Variants in FRMD4B observed in about 807,000 individuals in gnomAD.
The protein encoded by FRMD4B is FERM domain-containing protein 4B.
A neutral mutation model predicts 141.5 loss-of-function variants in FRMD4B; 74 were observed. The observed-to-expected ratio is 0.52, with a 90% CI of 0.43 to 0.63. FRMD4B has a LOEUF of 0.63. Among genes scored for constraint, FRMD4B ranks in the 30% least tolerant of loss-of-function variants. The pLI is 0.00. For missense variants in FRMD4B, 1,366 were observed against 1,253.4 expected (o/e 1.09, Z -1.36); for synonymous variants, 506 against 467.9 (o/e 1.08, Z -1.05).
chr3:69,504,574 G>C (rs1706564056), intron 1 of FRMD4B, among the ~76,000 whole-genome samples: 1 of 152,144 alleles, frequency 6.6e-6, no homozygotes, highest in Admixed American at 6.6e-5. Flanking sequence ...AAAATATGTG[G>C]TCTTTTGTGT....
intron 7 of FRMD4B, among the ~76,000 whole-genome samples, chr3:69,233,401 C>T (rs1048949892): frequency 6.6e-6 from 1 of 151,250 alleles, no homozygotes; most frequent in African/African-American, 2.4e-5. Flanking sequence ...GGAGAATCAC[C>T]TGAGGCCGGG....
At chr3:69,355,898 A>T (rs944171443) in intron 1 of FRMD4B, among the ~76,000 whole-genome samples, 6 of 152,046 alleles carry the variant, frequency 3.9e-5, no homozygotes, top group Non-Finnish European at 7.4e-5. Flanking sequence ...GGTGGCCGGC[A>T]CCTGTATTCC....
chr3:69,542,032 C>T (rs781391341), intron 1 of FRMD4B, among the ~76,000 whole-genome samples: 3 of 152,162 alleles, frequency 2.0e-5, no homozygotes, highest in Non-Finnish European at 2.9e-5. Flanking sequence ...TGCACTAGAC[C>T]TCGAGCCCCA....
intron 17 of FRMD4B, among the ~76,000 whole-genome samples, 179 bp downstream of exon 17, chr3:69,193,469 T>A (rs1474609844): frequency 6.6e-6 from 1 of 152,140 alleles, no homozygotes; most frequent in African/African-American, 2.4e-5. Context: ...GATTGCCCCA[T>A]TGCACTCCAG....
At chr3:69,286,953 C>A (rs1700708522) in intron 5 of FRMD4B, among the ~76,000 whole-genome samples, 1 of 152,102 alleles carries the variant, frequency 6.6e-6, no homozygotes, top group South Asian at 2.1e-4. Context: ...TACAGGGGCA[C>A]ACCACCACGC....
chr3:69,514,950 C>G (rs1700728104), intron 1 of FRMD4B, among the ~76,000 whole-genome samples: 1 of 152,086 alleles, frequency 6.6e-6, no homozygotes, highest in Admixed American at 6.6e-5. Context: ...CTCATACTTC[C>G]TGATTTAAAA....
chr3:69,463,574 C>G (rs1213203564), intron 1 of FRMD4B, among the ~76,000 whole-genome samples: 3 of 152,110 alleles, frequency 2.0e-5, no homozygotes, highest in Non-Finnish European at 4.4e-5. Flanking sequence ...TTATCTTTGG[C>G]TTATAGATTA....
intron 1 of FRMD4B, chr3:69,472,084 C>T (rs1248122186): frequency 3.5e-5 from 6 of 171,912 alleles, no homozygotes; most frequent in South Asian, 1.5e-4. Flanking sequence ...CATGGAAAGT[C>T]TTCCACTAGC....
At position 69,399,464 on chromosome 3, in the gene FRMD4B, T is replaced by G. The variant is rs994806491; in HGVS notation, c.-1+33170A>C. On this transcript the variant is annotated intron_variant, in intron 2 of 5. Transcript: ENST00000459638. ...TTCTATCTGCGGTGAAGTCTCAACT[T>G]GTTCAGAGAAAATGATGGTTAAATT... Among the ~76,000 whole-genome samples the G allele has an allele frequency of 5.3e-5, 8 of 152,320 alleles. No individual in the cohort carries two copies. In the South Asian group the frequency reaches 1.7e-3, roughly 32 times the overall value.
At chr3:69,430,361 G>C (rs192501858) in intron 2 of FRMD4B, among the ~76,000 whole-genome samples, 135 of 152,266 alleles carry the variant, frequency 8.9e-4, no homozygotes, top group Middle Eastern at 3.4e-3. Flanking sequence ...TATTTAGGCT[G>C]ATCCTTATTT....
chr3:69,298,675 A>G (rs189657968), intron 4 of FRMD4B, among the ~76,000 whole-genome samples: 1 of 152,248 alleles, frequency 6.6e-6, no homozygotes, highest in East Asian at 1.9e-4. Flanking sequence ...CCTGGAAGAA[A>G]CTTCCTCAGA....
At chr3:69,411,756 A>C (rs1438898036) in intron 2 of FRMD4B, among the ~76,000 whole-genome samples, 1 of 152,200 alleles carries the variant, frequency 6.6e-6, no homozygotes, top group Non-Finnish European at 1.5e-5. Context: ...TCACATTGGG[A>C]TTCCAGTTAA....
intron 5 of FRMD4B, among the ~76,000 whole-genome samples, chr3:69,261,183 A>G (rs1221434523): frequency 6.6e-6 from 1 of 152,190 alleles, no homozygotes; most frequent in African/African-American, 2.4e-5. Flanking sequence ...GAGCTGTAAC[A>G]CTGCTGGCGA....
At chr3:69,255,943 A>C (rs2093489669) in intron 5 of FRMD4B, among the ~76,000 whole-genome samples, 1 of 152,116 alleles carries the variant, frequency 6.6e-6, no homozygotes, top group Non-Finnish European at 1.5e-5. Context: ...GACAAGAATG[A>C]TACTCAAGCA....
At chr3:69,184,735 G>A (rs1182906690) in intron 19 of FRMD4B, among the ~76,000 whole-genome samples, 4 of 152,170 alleles carry the variant, frequency 2.6e-5, no homozygotes, top group Admixed American at 2.0e-4. Flanking sequence ...CTTGTCTCAT[G>A]TTATCCAATA....
At chr3:69,539,488 T>C (rs181648683) in intron 1 of FRMD4B, among the ~76,000 whole-genome samples, 1 of 152,210 alleles carries the variant, frequency 6.6e-6, no homozygotes, top group Non-Finnish European at 1.5e-5. Flanking sequence ...GCCACTAAGA[T>C]AGAAATTTAT....
intron 1 of FRMD4B, among the ~76,000 whole-genome samples, chr3:69,520,953 C>G (rs1349427560): frequency 6.6e-6 from 1 of 152,198 alleles, no homozygotes; most frequent in East Asian, 1.9e-4. Context: ...TTTCACTTTG[C>G]TCTAGATATT....
intron 1 of FRMD4B, among the ~76,000 whole-genome samples, chr3:69,357,125 G>A (rs544176143): frequency 1.8e-4 from 28 of 152,292 alleles, no homozygotes; most frequent in Admixed American, 7.8e-4. Flanking sequence ...GACGGGACAA[G>A]GGCATAGGTG....
chr3:69,343,743 C>T (rs141569295), intron 1 of FRMD4B, among the ~76,000 whole-genome samples: 5 of 151,896 alleles, frequency 3.3e-5, no homozygotes, highest in African/African-American at 1.2e-4. Context: ...CCATACCTGG[C>T]TAATTTTTGT....
Sources: allele counts gnomAD v4.1 joint callset (sites outside exome capture counted in the v4.1 genomes callset), GRCh38; gene constraint gnomAD v4.1.1; transcripts MANE v1.5; gene names NCBI Gene and HGNC (gene_info 2026-07-23, HGNC 2026-07-21).